Variants in RABGAP1L observed in about 807,000 individuals in gnomAD.
The protein encoded by RABGAP1L is rab GTPase-activating protein 1-like.
A neutral mutation model predicts 137.7 loss-of-function variants in RABGAP1L; 63 were observed. The ratio of observed to expected loss-of-function variants is 0.46; its 90% CI spans 0.37 to 0.56. The LOEUF (loss-of-function observed/expected upper bound fraction) is 0.56. Ranked by LOEUF, RABGAP1L falls within the 20% of genes least tolerant of loss-of-function variation. RABGAP1L has a pLI of 0.00. For missense variants in RABGAP1L, 1,095 were observed against 1,244.0 expected, an observed-to-expected ratio of 0.88 and a Z score of 1.80; for synonymous variants, 431 against 433.7, an observed-to-expected ratio of 0.99 and a Z score of 0.08.
chr1:174,327,328 G>A (rs1169687741), intron 11 of RABGAP1L, among the ~76,000 whole-genome samples: 2 of 150,742 alleles, frequency 1.3e-5, no homozygotes, highest in Non-Finnish European at 3.0e-5. Context: ...ATATAATAAG[G>A]TATAAAAAGA....
intron 19 of RABGAP1L, among the ~76,000 whole-genome samples, chr1:174,905,109 G>A (rs920580946): frequency 5.3e-5 from 8 of 152,162 alleles, no homozygotes; most frequent in Admixed American, 1.3e-4. Context: ...CAAAAAGGAG[G>A]AAGTGACCTA....
intron 17 of RABGAP1L, among the ~76,000 whole-genome samples, chr1:174,712,433 G>GT (rs1249737456): frequency 2.6e-5 from 4 of 152,110 alleles, no homozygotes; most frequent in African/African-American, 7.2e-5. Flanking sequence ...TTTAAGAACT[G>GT]TAACACTCAC....
At chr1:174,477,776 C>T (rs1427393052) in intron 13 of RABGAP1L, among the ~76,000 whole-genome samples, 4 of 152,010 alleles carry the variant, frequency 2.6e-5, no homozygotes, top group Non-Finnish European at 4.4e-5. Flanking sequence ...TTGTATTTGA[C>T]TCTATACAAA....
intron 13 of RABGAP1L, among the ~76,000 whole-genome samples, chr1:174,401,552 G>C (rs1648585242): frequency 6.6e-6 from 1 of 152,180 alleles, no homozygotes; most frequent in African/African-American, 2.4e-5. Context: ...GTCCGTGCAG[G>C]TTTCAAGACA....
intron 13 of RABGAP1L, among the ~76,000 whole-genome samples, chr1:174,505,123 A>G (rs1661696995): frequency 6.6e-6 from 1 of 152,210 alleles, no homozygotes; most frequent in African/African-American, 2.4e-5. Context: ...CAGTGCTATA[A>G]GAGGAATTTG....
intron 13 of RABGAP1L, among the ~76,000 whole-genome samples, chr1:174,615,087 C>G (rs1186947241): frequency 6.6e-6 from 1 of 152,244 alleles, no homozygotes; most frequent in Non-Finnish European, 1.5e-5. Flanking sequence ...TCGTCAAAGT[C>G]ATTCTCCATC....
chr1:174,832,608 A>G (rs1692228606), intron 19 of RABGAP1L, among the ~76,000 whole-genome samples: 1 of 127,734 alleles, frequency 7.8e-6, no homozygotes, highest in South Asian at 2.7e-4. Flanking sequence ...GACCCAGTTC[A>G]GGCTCCCTCC....
chr1:174,259,756 A>G (rs761654122), intron 7 of RABGAP1L, among the ~76,000 whole-genome samples: 1 of 152,184 alleles, frequency 6.6e-6, no homozygotes, highest in African/African-American at 2.4e-5. Context: ...ATAATGGCCA[A>G]CATTTAATGA....
intron 17 of RABGAP1L, among the ~76,000 whole-genome samples, chr1:174,751,352 A>G (rs924656111): frequency 3.3e-5 from 5 of 152,206 alleles, no homozygotes; most frequent in South Asian, 4.1e-4. Context: ...ATGGTTTATT[A>G]TAAGTTTTTT....
At chr1:174,964,990 G>GTT in intron 20 of RABGAP1L, 15 of 1,351,412 alleles carry the variant, frequency 1.1e-5, no homozygotes, top group Admixed American at 2.2e-5. Flanking sequence ...GAGGAGGTAA[G>GTT]TTTTTTTTTT....
At chr1:174,330,867 C>T (rs1487554359) in intron 11 of RABGAP1L, among the ~76,000 whole-genome samples, 2 of 151,784 alleles carry the variant, frequency 1.3e-5, no homozygotes, top group Admixed American at 6.6e-5. Context: ...CACAAAAGAC[C>T]CTAAATAGGC....
At chr1:174,457,174 A>G (rs189019276) in intron 13 of RABGAP1L, among the ~76,000 whole-genome samples, 9 of 152,336 alleles carry the variant, frequency 5.9e-5, no homozygotes, top group Admixed American at 5.9e-4. Flanking sequence ...ATATTTAGCC[A>G]TGTGTTTGGA....
At chr1:174,767,740 G>A (rs940975422) in intron 18 of RABGAP1L, among the ~76,000 whole-genome samples, 1 of 152,064 alleles carries the variant, frequency 6.6e-6, no homozygotes, top group Non-Finnish European at 1.5e-5. Context: ...AATACAAGAT[G>A]TCATTGTATT....
chr1:174,425,629 A>G (rs1403038196), intron 13 of RABGAP1L, among the ~76,000 whole-genome samples: 1 of 152,074 alleles, frequency 6.6e-6, no homozygotes, highest in East Asian at 1.9e-4. Context: ...AGTAAAACAA[A>G]ACAGAAACAA....
chr1:174,516,264 T>A (rs1313932643), intron 13 of RABGAP1L, among the ~76,000 whole-genome samples: 1 of 151,954 alleles, frequency 6.6e-6, no homozygotes, highest in Non-Finnish European at 1.5e-5. Context: ...CAAGTGATCC[T>A]CCTCCCTCAG....
intron 10 of RABGAP1L, 50 bp downstream of exon 10, chr1:174,278,829 C>T: frequency 1.5e-6 from 2 of 1,324,980 alleles, no homozygotes; most frequent in Non-Finnish European, 2.0e-6. Flanking sequence ...TTTTTCTTTC[C>T]ACACTTCTTT....
chr1:174,794,958 A>G lies in RABGAP1L; in HGVS notation c.2212-16874A>G, dbSNP rs563943928. On this transcript the variant is annotated intron_variant, in intron 18 of 25. Transcript: ENST00000681986. The stretch of plus-strand genomic sequence containing the variant: ...AGTCAAATGTGCTTTTCATTTTACA[A>G]TGGAAATCTATATGTGTCCTGAATA... Among the ~76,000 whole-genome samples the G allele has an allele frequency of 5.9e-5, 9 of 152,328 alleles. No individual in the cohort carries two copies. The East Asian group carries it at 1.3e-3, about 23-fold the overall frequency.
chr1:174,824,973 T>C (rs1470390998), intron 19 of RABGAP1L, among the ~76,000 whole-genome samples: 1 of 152,212 alleles, frequency 6.6e-6, no homozygotes. Context: ...AAAATTATAT[T>C]CCTTGCTGTA....
At chr1:174,800,448 T>G in intron 18 of RABGAP1L, 1 of 1,550,876 alleles carries the variant, frequency 6.4e-7, no homozygotes, top group Non-Finnish European at 8.7e-7. Flanking sequence ...GCGTGTCGAG[T>G]GCTGGAACTT....
Sources: allele counts gnomAD v4.1 joint callset (sites outside exome capture counted in the v4.1 genomes callset), GRCh38; gene constraint gnomAD v4.1.1; transcripts MANE v1.5; gene names NCBI Gene and HGNC (gene_info 2026-07-23, HGNC 2026-07-21).